PDK1: variants seen among roughly 807,000 people sequenced by gnomAD.
PDK1 encodes [Pyruvate dehydrogenase (acetyl-transferring)] kinase isozyme 1, mitochondrial.
PDK1 carries 39 observed loss-of-function variants against 54.2 expected under a neutral mutation model. That is an observed-to-expected ratio of 0.72 (90% CI 0.56 to 0.94). PDK1 has a LOEUF of 0.94. PDK1 is among the 40% of genes least tolerant of loss of function. The pLI, the probability that PDK1 is intolerant of heterozygous loss-of-function variation, is 0.00. For missense variants in PDK1, 552 were observed against 566.0 expected, an observed-to-expected ratio of 0.98 and a Z score of 0.25; for synonymous variants, 221 against 207.1, an observed-to-expected ratio of 1.07 and a Z score of -0.58.
the PDK1 span, among the ~76,000 whole-genome samples, chr2:172,657,892 A>G: frequency 6.6e-6 from 1 of 152,220 alleles, no homozygotes; most frequent in East Asian, 1.9e-4. Context: ...CTGTGCAAGA[A>G]ACATGATGCC....
chr2:172,701,615 C>T, the PDK1 span, among the ~76,000 whole-genome samples: 1 of 146,372 alleles, frequency 6.8e-6, no homozygotes, highest in Admixed American at 6.9e-5. Flanking sequence ...AAAAGAGCTG[C>T]TAACTAGTTT....
the PDK1 span, chr2:172,674,698 A>C: frequency 6.6e-6 from 1 of 152,300 alleles, no homozygotes; most frequent in South Asian, 2.1e-4. Flanking sequence ...TTATTTTGCC[A>C]GTTCTTTGTC....
chr2:172,571,823 CTTTTTTT>C (rs36031428), intron 8 of PDK1, among the ~76,000 whole-genome samples: 1,620 of 99,716 alleles, frequency 0.016, 78 homozygotes, highest in African/African-American at 0.058. Flanking sequence ...TCTTTCTTTA[CTTTTTTT>C]TTTTTTTTTT....
the PDK1 span, among the ~76,000 whole-genome samples, chr2:172,651,552 C>G: frequency 6.6e-6 from 1 of 152,012 alleles, no homozygotes; most frequent in African/African-American, 2.4e-5. Context: ...TTGAAAAGAT[C>G]AACAAAATTG....
At chr2:172,572,225 CT>C (rs1689314721) in intron 8 of PDK1, among the ~76,000 whole-genome samples, 1 of 152,186 alleles carries the variant, frequency 6.6e-6, no homozygotes, top group Non-Finnish European at 1.5e-5. Context: ...CTCCCCTCCC[CT>C]AGCCCAAGGG....
chr2:172,633,804 T>C, the PDK1 span, among the ~76,000 whole-genome samples: 1 of 149,574 alleles, frequency 6.7e-6, no homozygotes, highest in African/African-American at 2.4e-5. Flanking sequence ...TTCTGATATC[T>C]CACCTTCCCA....
chr2:172,590,135 T>G (rs539360210), intron 9 of PDK1, among the ~76,000 whole-genome samples: 1 of 152,218 alleles, frequency 6.6e-6, no homozygotes, highest in African/African-American at 2.4e-5. Context: ...ATATTAGAGA[T>G]ATCTCCAGGC....
At chr2:172,629,164 G>A in the PDK1 span, among the ~76,000 whole-genome samples, 298 of 152,146 alleles carry the variant, frequency 2.0e-3, 1 homozygote, top group Non-Finnish European at 2.7e-3. Context: ...TTTCATCTTT[G>A]TACATGTGAT....
In PDK1 at chr2:172,608,522, C is replaced by T. The variant is rs1424643034; in HGVS notation, c.*12553C>T. 1 of 152,176 alleles carries T rather than the reference C, an allele frequency of 6.6e-6. No individual in the cohort carries two copies. Among genetic ancestry groups the T allele is most frequent in the Non-Finnish European group, 1.5e-5 (1 of 68,026 alleles). The allele number at this position is 152,176 out of a possible 1,614,324, so 9.4% of individuals were successfully genotyped here. A position where few individuals can be genotyped will look rare whatever the true frequency, so the allele number is the denominator to read the frequency against. On this transcript the variant is annotated 3_prime_UTR_variant, in exon 11 of 11. Transcript: ENST00000282077. Reference sequence around the variant, plus strand: ...AAATTGTACAACTGTTTATCATTCACTCTGCTGTAAGTCTATGTGAAACCA... The same window carrying T: ...AAATTGTACAACTGTTTATCATTCATTCTGCTGTAAGTCTATGTGAAACCA...
At position 172,595,891 on chromosome 2, in the gene PDK1, C is replaced by A. The variant is rs2149303050; in HGVS notation, c.1233C>A (p.Tyr411Ter). Residue 411 changes from tyrosine to a stop codon, truncating the protein, a stop_gained, in exon 11 of 11, where the codon TAC (tyrosine) becomes TAA (stop). Coordinates refer to ENST00000282077, the MANE Select transcript of PDK1 (RefSeq NM_002610.5). LOFTEE classifies it high-confidence loss of function. ...PVYNKAAWKHYNTNHEADDWC... is the reference protein window; with the variant it reads ...PVYNKAAWKH ...ATAACAAAGCTGCCTGGAAGCATTA[C>A]AACACCAACCACGAGGCTGATGACT... The A allele has an allele frequency of 6.2e-7, 1 of 1,613,860 alleles. No individual in the cohort carries two copies. The highest frequency in any genetic ancestry group is 8.5e-7 in the Non-Finnish European group (1 of 1,179,812).
At chr2:172,580,957 A>C (rs961405192) in intron 8 of PDK1, among the ~76,000 whole-genome samples, 3 of 151,796 alleles carry the variant, frequency 2.0e-5, no homozygotes, top group Non-Finnish European at 4.4e-5. Context: ...GGATATGACC[A>C]CTAAAGGAGC....
the PDK1 span, among the ~76,000 whole-genome samples, chr2:172,688,933 A>G: frequency 3.3e-5 from 5 of 152,174 alleles, no homozygotes; most frequent in Admixed American, 3.3e-4. Context: ...GAAGCCACAG[A>G]CCTTCATGGT....
At chr2:172,704,277 A>C in the PDK1 span, among the ~76,000 whole-genome samples, 1 of 152,100 alleles carries the variant, frequency 6.6e-6, no homozygotes. Context: ...TCTCCTTCCC[A>C]CAGGGCTCCC....
the PDK1 span, among the ~76,000 whole-genome samples, chr2:172,663,098 T>G: frequency 3.9e-5 from 6 of 152,346 alleles, no homozygotes; most frequent in African/African-American, 1.4e-4. Context: ...ATGTATTTCC[T>G]CACCATTCTA....
the PDK1 span, among the ~76,000 whole-genome samples, chr2:172,667,451 G>T: frequency 6.6e-6 from 1 of 152,194 alleles, no homozygotes; most frequent in Non-Finnish European, 1.5e-5. Flanking sequence ...AAATAAAGAA[G>T]GTGATTGGTA....
At chr2:172,720,027 G>A in the PDK1 span, among the ~76,000 whole-genome samples, 10 of 151,464 alleles carry the variant, frequency 6.6e-5, no homozygotes, top group African/African-American at 2.4e-4. Context: ...TAGGCTATTT[G>A]TATAGGGGTT....
At chr2:172,638,676 A>G in the PDK1 span, among the ~76,000 whole-genome samples, 1 of 141,488 alleles carries the variant, frequency 7.1e-6, no homozygotes, top group Non-Finnish European at 1.6e-5. Context: ...AAATGCACCA[A>G]TCAGTGCTCT....
the PDK1 span, among the ~76,000 whole-genome samples, chr2:172,630,662 TTCTG>T: frequency 6.6e-6 from 1 of 151,752 alleles, no homozygotes; most frequent in South Asian, 2.1e-4. Flanking sequence ...CAGGGCCTCA[TTCTG>T]TCTTTCAGGC....
chr2:172,611,973 G>C (rs1398215971), downstream of PDK1, among the ~76,000 whole-genome samples: 1 of 152,198 alleles, frequency 6.6e-6, no homozygotes, highest in Non-Finnish European at 1.5e-5. Context: ...AAATCAGTGA[G>C]TCAGAATTCA....
Sources: allele counts gnomAD v4.1 joint callset (sites outside exome capture counted in the v4.1 genomes callset), GRCh38; gene constraint gnomAD v4.1.1; transcripts MANE v1.5; gene names NCBI Gene and HGNC (gene_info 2026-07-23, HGNC 2026-07-21).